Variants in PSG6 observed in about 807,000 individuals in gnomAD.
PSG6 encodes pregnancy specific beta-1-glycoprotein 6.
In PSG6, 51 loss-of-function variants were observed where a neutral mutation model predicts 43.3. The ratio of observed to expected loss-of-function variants is 1.18; its 90% CI spans 0.94 to 1.49. The LOEUF (loss-of-function observed/expected upper bound fraction) is 1.49. Among genes scored for constraint, PSG6 ranks in the 40% most tolerant of loss-of-function variants. The probability of loss-of-function intolerance (pLI) is 0.00; values close to 1 mark genes in which losing one functional copy is unlikely to be tolerated. For missense variants in PSG6, 770 were observed against 522.2 expected (o/e 1.47, Z -4.62); for synonymous variants, 292 against 197.6 (o/e 1.48, Z -4.01).
intron 1 of PSG6, 71 bp from the exon 2 acceptor site, chr19:42,916,558 C>T (rs868633053): frequency 1.3e-5 from 20 of 1,534,700 alleles, no homozygotes; most frequent in Middle Eastern, 1.7e-4. Context: ...GGCCCTGTGT[C>T]CTGAGAAGGT....
At chr19:42,916,549 G>A (rs1400950577) in intron 1 of PSG6, 62 bp from the exon 2 acceptor site, 1 of 1,556,690 alleles carries the variant, frequency 6.4e-7, no homozygotes, top group East Asian at 2.3e-5. Flanking sequence ...AAAAGATGGG[G>A]CCCTGTGTCC....
chr19:42,911,836 T>C (rs1479244242), intron 2 of PSG6, among the ~76,000 whole-genome samples: 2 of 151,602 alleles, frequency 1.3e-5, no homozygotes, highest in Non-Finnish European at 2.9e-5. Flanking sequence ...GACTACTCTA[T>C]GTACCTCATA....
At chr19:42,913,709 T>A (rs1972270257) in intron 2 of PSG6, among the ~76,000 whole-genome samples, 1 of 151,744 alleles carries the variant, frequency 6.6e-6, no homozygotes, top group Non-Finnish European at 1.5e-5. Context: ...GATTGGTCTT[T>A]TGAAATGTTT....
At chr19:42,905,131 C>G (rs1255702399) in intron 5 of PSG6, among the ~76,000 whole-genome samples, 1 of 151,526 alleles carries the variant, frequency 6.6e-6, no homozygotes, top group Non-Finnish European at 1.5e-5. Flanking sequence ...AATTAACCCA[C>G]AATAGATCAA....
intron 5 of PSG6, among the ~76,000 whole-genome samples, chr19:42,902,659 T>C (rs1972053233): frequency 6.6e-6 from 1 of 151,634 alleles, no homozygotes; most frequent in South Asian, 2.1e-4. Context: ...TCTTTCTCTT[T>C]CTTTTTCACA....
intron 5 of PSG6, among the ~76,000 whole-genome samples, chr19:42,902,910 A>AT (rs1972057611): frequency 6.6e-6 from 1 of 151,408 alleles, no homozygotes; most frequent in Non-Finnish European, 1.5e-5. Context: ...CGCTTTTTTC[A>AT]TATCTATGGA....
At position 42,914,725 on chromosome 19, in the gene PSG6, C is replaced by T. The variant is rs562277443; in HGVS notation, c.427+1400G>A. ...AGTCTCTAAAGAGGTTTTGGATCAT[C>T]CATTTCTTCATTCCATTCCTTCATT... On this transcript the variant is annotated intron_variant, in intron 2 of 5. Transcript: ENST00000187910. Among the ~76,000 whole-genome samples, 53 of 151,614 alleles carry T rather than the reference C, an allele frequency of 3.5e-4. 1 individual carries two copies. The highest frequency in any genetic ancestry group is 5.2e-4 in the Non-Finnish European group (35 of 67,890).
At position 42,903,737 on chromosome 19, in the gene PSG6, A is replaced by C. The variant is rs1166409172; in HGVS notation, c.1241-1291T>G. 18 of 1,521,438 alleles carry C rather than the reference A, an allele frequency of 1.2e-5. 2 individuals are homozygous for C. The African/African-American group carries it at 1.3e-4, about 11-fold the overall frequency. 94.2% of individuals were successfully genotyped at this position (1,521,438 alleles called of 1,614,324 possible). On this transcript the variant is annotated intron_variant, in intron 5 of 5. Transcript: ENST00000187910. ...GATGCTGTCTCTACAAAAAAAAAAA[A>C]AACCAATTAGCTGGGCATGTTGACA...
intron 2 of PSG6, chr19:42,915,196 T>A (rs142513251): frequency 6.6e-6 from 1 of 151,714 alleles, no homozygotes; most frequent in East Asian, 1.9e-4. Flanking sequence ...TGACTGTGCC[T>A]TCCTGTGCCT....
In PSG6 at chr19:42,910,894, G is replaced by C. The variant is rs532660937; in HGVS notation, c.428-36C>G. 76 of 1,570,664 alleles carry C rather than the reference G, an allele frequency of 4.8e-5. 5 individuals are homozygous for C. The South Asian group carries it at 9.2e-4, about 19-fold the overall frequency. On this transcript the variant is annotated intron_variant, in intron 2 of 5. Coordinates refer to ENST00000187910, the MANE Select transcript of PSG6 (RefSeq NM_001031850.4). The stretch of plus-strand genomic sequence containing the variant: ...AACAGAGAGAAGATTGCCCTGTGTG[G>C]CACCTTTGATTCCTCCAAAGGCATT...
chr19:42,911,946 T>G (rs777530689), intron 2 of PSG6, among the ~76,000 whole-genome samples: 1 of 151,602 alleles, frequency 6.6e-6, no homozygotes, highest in East Asian at 1.9e-4. Flanking sequence ...GTTTCTGTTA[T>G]GCAGGATGAG....
At position 42,908,199 on chromosome 19, in the gene PSG6, C is replaced by G. The variant is rs185626761; in HGVS notation, c.707-345G>C. Among the ~76,000 whole-genome samples, 268 of 151,728 alleles carry G rather than the reference C, an allele frequency of 1.8e-3. 11 individuals are homozygous for G. The highest frequency in any genetic ancestry group is 0.016 in the Admixed American group (248 of 15,178). On this transcript the variant is annotated intron_variant, in intron 3 of 5. Coordinates refer to ENST00000187910, the MANE Select transcript of PSG6 (RefSeq NM_001031850.4). ...CCCTGGGTTCCTTACCTGGAATGTG[C>G]AACTGCTGGGCCCCTTCCAAATTAC...
At position 42,916,277 on chromosome 19, in the gene PSG6, G is replaced by T. The variant is rs1255404894; in HGVS notation, c.275C>A (p.Pro92His). The change falls in exon 2 of 6, where the codon CCT (proline) becomes CAT (histidine). Residue 92 changes from proline to histidine, a missense_variant. Pro to His is a moderately conservative substitution (Grantham distance 77). Coordinates refer to ENST00000187910, the MANE Select transcript of PSG6 (RefSeq NM_001031850.4). ...TACTGTTTCTCGTCCACTGTAGGCA[G>T]GCCCATATATAATTTGACCGTGTAC... ...YVVHGQIIYG[P>H]AYSGRETVYS... 6.2e-7 allele frequency: 1 copy of T among 1,612,172 alleles called. No individual in the cohort carries two copies. The highest frequency in any genetic ancestry group is 8.5e-7 in the Non-Finnish European group (1 of 1,179,118).
At chr19:42,917,166 C>T (rs8100982) in intron 1 of PSG6, among the ~76,000 whole-genome samples, 51,149 of 150,440 alleles carry the variant, frequency 0.34, 9,934 homozygotes, top group South Asian at 0.47. Context: ...CTGATATAGT[C>T]ATTATTATCA....
intron 5 of PSG6, chr19:42,903,644 C>A: frequency 6.6e-7 from 1 of 1,518,610 alleles, no homozygotes. Flanking sequence ...AATCCTAGCA[C>A]TTTGGGAGGT....
Position 42,910,838 on chromosome 19 carries a change from T to C in PSG6, c.448A>G (p.Ile150Val), listed in dbSNP as rs753533228. ...CTGGGGTTTAAGTTGCTGCTGGAGA[T>C]GGAGGGCTTGGGAGTCTCCGCTGTG... The part of the protein sequence containing the change: ...TLYSETPKPS[I>V]SSSNLNPREV... Residue 150 changes from isoleucine to valine, a missense_variant, in exon 3 of 6, where the codon ATC (isoleucine) becomes GTC (valine). Transcript: ENST00000187910. 1.2e-6 allele frequency: 2 copies of C among 1,611,212 alleles called. No homozygotes were observed. The highest frequency in any genetic ancestry group is 3.3e-5 in the Admixed American group (2 of 59,848).
chr19:42,905,614 G>A (rs953832722), intron 5 of PSG6, among the ~76,000 whole-genome samples: 1 of 151,616 alleles, frequency 6.6e-6, no homozygotes, highest in Non-Finnish European at 1.5e-5. Context: ...AGAAATATTT[G>A]TACACTGATG....
At chr19:42,911,809 T>C (rs547345680) in intron 2 of PSG6, among the ~76,000 whole-genome samples, 5 of 151,670 alleles carry the variant, frequency 3.3e-5, no homozygotes, top group Non-Finnish European at 5.9e-5. Context: ...GACATTCTAC[T>C]CTCTGATTCT....
Position 42,913,244 on chromosome 19 carries a change from G to A in PSG6, c.428-2386C>T, listed in dbSNP as rs920297372. On this transcript the variant is annotated intron_variant, in intron 2 of 5. Coordinates refer to ENST00000187910, the MANE Select transcript of PSG6 (RefSeq NM_001031850.4). The stretch of plus-strand genomic sequence containing the variant: ...CAGCTCACTGCAAGCTCCACCTCCT[G>A]GGTTCATGCCATTCTCCTGCCTCGG... 9.2e-5 allele frequency among the ~76,000 whole-genome samples: 14 copies of A among 151,372 alleles called. 2 individuals are homozygous for A.
Sources: allele counts gnomAD v4.1 joint callset (sites outside exome capture counted in the v4.1 genomes callset), GRCh38; gene constraint gnomAD v4.1.1; transcripts MANE v1.5; gene names NCBI Gene and HGNC (gene_info 2026-07-23, HGNC 2026-07-21).